The following ATF7 variants were observed in gnomAD, a reference collection of about 807,000 sequenced individuals.
ATF7 encodes the protein cyclic AMP-dependent transcription factor ATF-7.
A neutral mutation model predicts 50.4 loss-of-function variants in ATF7; 10 were observed. The observed-to-expected ratio is 0.20, with a 90% CI of 0.12 to 0.34. ATF7 has a LOEUF of 0.34. ATF7 is among the 10% of genes least tolerant of loss of function. ATF7 has a pLI of 1.00. For synonymous variants in ATF7, 201 were observed against 226.4 expected, an observed-to-expected ratio of 0.89 and a Z score of 1.01; for missense variants, 465 against 613.9, an observed-to-expected ratio of 0.76 and a Z score of 2.56.
chr12:53,564,556 T>C (rs1205731201), intron 2 of ATF7, among the ~76,000 whole-genome samples: 1 of 152,226 alleles, frequency 6.6e-6, no homozygotes, highest in Non-Finnish European at 1.5e-5. Context: ...TATGAGCATA[T>C]GAGCATCTCA....
At chr12:53,562,470 T>C (rs1239724193) in intron 2 of ATF7, among the ~76,000 whole-genome samples, 4 of 151,858 alleles carry the variant, frequency 2.6e-5, no homozygotes, top group African/African-American at 9.7e-5. Context: ...TGAAACCCCG[T>C]CTCTACTTAA....
rs978811687 is a variant in ATF7, at chr12:53,517,146, C to T, written c.1443G>A (p.Ala481=). ...TCCACCAGAGGAGGCATCATCTGCCCGCAGACTGGGACTGTGGGGTCATGA... is the reference window on the plus strand; with the variant it reads ...TCCACCAGAGGAGGCATCATCTGCCTGCAGACTGGGACTGTGGGGTCATGA... ...HVIMTPQSQS[A]GR Residue 481 remains alanine (A), a synonymous_variant, in exon 12 of 12, where the codon GCG becomes GCA. Coordinates refer to ENST00000420353, the MANE Select transcript of ATF7 (RefSeq NM_006856.3). 8.7e-6 allele frequency: 14 copies of T among 1,611,598 alleles called. No homozygotes were observed. The highest frequency in any genetic ancestry group is 5.5e-5 in the South Asian group (5 of 91,070).
rs1937761483 is a variant in ATF7, at chr12:53,517,210, T to C, written c.1379A>G (p.Gln460Arg). The C allele has an allele frequency of 6.2e-7, 1 of 1,614,040 alleles. No individual in the cohort carries two copies. Among genetic ancestry groups the C allele is most frequent in the South Asian group, 1.1e-5 (1 of 91,086 alleles). ...ATSVLTQMAS[Q>R]RTELSMPIQS... Reference sequence around the variant, plus strand: ...TATCGGCATGCTCAGTTCTGTCCTTTGGCTGGCCATCTGAGTGAGGACCGA... The same window carrying C: ...TATCGGCATGCTCAGTTCTGTCCTTCGGCTGGCCATCTGAGTGAGGACCGA... The change falls in exon 12 of 12, where the codon CAA (glutamine) becomes CGA (arginine). Residue 460 changes from glutamine to arginine, a missense_variant. Physicochemically the swap from Gln to Arg is conservative, Grantham distance 43. Transcript: ENST00000420353.
intron 5 of ATF7, 117 bp downstream of exon 5, chr12:53,537,298 G>A (rs1442113013): frequency 1.5e-6 from 2 of 1,292,450 alleles, no homozygotes; most frequent in Non-Finnish European, 1.0e-6. Flanking sequence ...TGAATTTCTG[G>A]GCTCAAGTGA....
At chr12:53,538,574 C>A (rs1939356371) in intron 4 of ATF7, among the ~76,000 whole-genome samples, 1 of 152,144 alleles carries the variant, frequency 6.6e-6, no homozygotes, top group Admixed American at 6.5e-5. Flanking sequence ...CTGTAAACGG[C>A]CTTGCAGGGA....
intron 2 of ATF7, among the ~76,000 whole-genome samples, chr12:53,567,349 A>G (rs1392990213): frequency 6.6e-6 from 1 of 152,228 alleles, no homozygotes; most frequent in African/African-American, 2.4e-5. Context: ...AGGAAGAACA[A>G]GATGGTAAGA....
At chr12:53,540,733 T>A (rs908008438) in intron 4 of ATF7, among the ~76,000 whole-genome samples, 11 of 151,394 alleles carry the variant, frequency 7.3e-5, no homozygotes, top group East Asian at 3.9e-4. Context: ...CTCAAAAAAA[T>A]AATAATAATA....
chr12:53,554,587 G>T (rs1199357122), intron 2 of ATF7, among the ~76,000 whole-genome samples: 3 of 151,832 alleles, frequency 2.0e-5, no homozygotes, highest in Non-Finnish European at 4.4e-5. Context: ...AAAGGGCCAG[G>T]TGCGGTGGCT....
chr12:53,539,142 C>A (rs1939389867), intron 4 of ATF7, among the ~76,000 whole-genome samples: 1 of 152,206 alleles, frequency 6.6e-6, no homozygotes, highest in Non-Finnish European at 1.5e-5. Flanking sequence ...GGAGGATACA[C>A]CAAGGAATGC....
chr12:53,579,836 G>A (rs905753271), intron 2 of ATF7, among the ~76,000 whole-genome samples: 2 of 151,526 alleles, frequency 1.3e-5, no homozygotes, highest in Admixed American at 6.6e-5. Flanking sequence ...CAAATTGTGC[G>A]CAATGCCTCA....
Position 53,534,550 on chromosome 12 carries a change from G to T in ATF7, c.512C>A (p.Ser171Tyr). Residue 171 changes from serine (S) to tyrosine (Y), a missense_variant, in exon 6 of 12, where the codon TCC becomes TAC. Coordinates refer to ENST00000420353, the MANE Select transcript of ATF7 (RefSeq NM_006856.3). ...GYDPLHPTLP[S>Y]PTSVITQAPP... ...AGCCTGTGTGATGACAGAGGTTGGGGAGGGAAGGGTTGGATGAAGTGGATC... is the reference window on the plus strand; with the variant it reads ...AGCCTGTGTGATGACAGAGGTTGGGTAGGGAAGGGTTGGATGAAGTGGATC... The T allele has an allele frequency of 6.2e-7, 1 of 1,613,912 alleles. No individual in the cohort carries two copies. The highest frequency in any genetic ancestry group is 8.5e-7 in the Non-Finnish European group (1 of 1,179,854).
intron 9 of ATF7, among the ~76,000 whole-genome samples, chr12:53,530,312 C>T (rs1353763117): frequency 2.0e-5 from 3 of 152,106 alleles, no homozygotes; most frequent in African/African-American, 7.2e-5. Flanking sequence ...CAGGTGGTGA[C>T]ATCAGGAAAA....
intron 4 of ATF7, among the ~76,000 whole-genome samples, chr12:53,541,075 T>C (rs1939523808): frequency 6.6e-6 from 1 of 152,068 alleles, no homozygotes; most frequent in Non-Finnish European, 1.5e-5. Flanking sequence ...AAAAAGAAAC[T>C]CATAGAAATC....
rs1453862008 is a variant in ATF7, at chr12:53,516,437, T to C, written c.*700A>G. On this transcript the variant is annotated 3_prime_UTR_variant, in exon 12 of 12. Transcript: ENST00000420353. ...TGAGGTACCCAAATAGCTCTGCAAA[T>C]AGATGAAAAAGAATTAGAACTCTTG... is the stretch of plus-strand genomic sequence containing the variant. 6.6e-6 allele frequency: 1 copy of C among 152,446 alleles called. No homozygotes were observed. 9.4% of individuals were successfully genotyped at this position (152,446 alleles called of 1,614,324 possible).
At chr12:53,535,328 C>CAAAAAA (rs397938442) in intron 5 of ATF7, among the ~76,000 whole-genome samples, 23 of 64,930 alleles carry the variant, frequency 3.5e-4, no homozygotes, top group South Asian at 1.0e-3. Context: ...GACTCTGCCT[C>CAAAAAA]AAAAAAAAAA....
At chr12:53,541,362 C>A (rs1373419106) in intron 4 of ATF7, among the ~76,000 whole-genome samples, 2 of 152,102 alleles carry the variant, frequency 1.3e-5, no homozygotes, top group African/African-American at 2.4e-5. Flanking sequence ...ATGTTGGAAT[C>A]TTTTATGATT....
At chr12:53,557,559 C>T (rs1940830248) in intron 2 of ATF7, among the ~76,000 whole-genome samples, 1 of 152,170 alleles carries the variant, frequency 6.6e-6, no homozygotes, top group Non-Finnish European at 1.5e-5. Flanking sequence ...TTACCTATGT[C>T]TAAGGTTTTG....
intron 3 of ATF7, among the ~76,000 whole-genome samples, chr12:53,550,244 A>G (rs1394260099): frequency 6.6e-6 from 1 of 151,172 alleles, no homozygotes; most frequent in East Asian, 2.0e-4. Context: ...GAATCGCTTG[A>G]GCCTGGGAGG....
chr12:53,518,815 C>G (rs7300943), intron 11 of ATF7, among the ~76,000 whole-genome samples: 81,869 of 151,478 alleles, frequency 0.54, 22,926 homozygotes, highest in East Asian at 0.95. Context: ...AGAGGCCAAG[C>G]TGGGCGGATC....
Sources: gnomAD v4.1 joint callset for allele counts (sites outside exome capture counted in the v4.1 genomes callset) on GRCh38, gnomAD v4.1.1 for gene constraint, MANE v1.5 for transcripts, NCBI Gene and HGNC (gene_info 2026-07-23, HGNC 2026-07-21) for gene names.